MLH3: variants seen among roughly 807,000 people sequenced by gnomAD.
MLH3 encodes mutL homolog 3.
In MLH3, 82 loss-of-function variants were observed where a neutral mutation model predicts 122.2. The ratio of observed to expected loss-of-function variants is 0.67; its 90% confidence interval spans 0.56 to 0.81. The LOEUF is 0.81. MLH3 is among the 30% of genes least tolerant of loss of function. The pLI is 0.00. For synonymous variants in MLH3, 524 were observed against 599.5 expected (o/e 0.87, Z 1.84); for missense variants, 1,539 against 1,714.5 (o/e 0.90, Z 1.81).
rs754665749 is a variant in MLH3, at chr14:75,047,908, TTC to T, written c.1746_1747del (p.Lys585ArgfsTer3). The T allele has an allele frequency of 4.3e-6, 7 of 1,613,448 alleles. No homozygotes were observed. Among genetic ancestry groups the T allele is most frequent in the East Asian group, 2.2e-5 (1 of 44,880 alleles). On this transcript the variant is annotated frameshift_variant, in exon 2 of 13. Transcript: ENST00000355774. LOFTEE classifies it high-confidence loss of function. ...TCCACAATTGCTAGATTCTTTTTTTTTCTCTTTCTCTGTCTGAGCACTATGTA... is the reference window on the plus strand; with the variant it reads ...TCCACAATTGCTAGATTCTTTTTTTTTCTTTCTCTGTCTGAGCACTATGTA...
chr14:75,019,711 GCTT>G (rs1302170136), intron 11 of MLH3, among the ~76,000 whole-genome samples: 2 of 151,958 alleles, frequency 1.3e-5, no homozygotes, highest in African/African-American at 4.8e-5. Flanking sequence ...CATTTTATTT[GCTT>G]CTTTTTTTCT....
At chr14:75,035,595 TC>T (rs746913044) in intron 6 of MLH3, among the ~76,000 whole-genome samples, 3 of 152,210 alleles carry the variant, frequency 2.0e-5, no homozygotes, top group Non-Finnish European at 4.4e-5. Context: ...CTTCACAAAT[TC>T]TATATTCATG....
intron 6 of MLH3, among the ~76,000 whole-genome samples, chr14:75,034,101 G>T (rs1891227868): frequency 6.6e-6 from 1 of 151,992 alleles, no homozygotes; most frequent in Non-Finnish European, 1.5e-5. Flanking sequence ...GCTGAGGCAG[G>T]AGAATCGCTT....
chr14:75,021,561 A>G (rs1207038526), intron 11 of MLH3, among the ~76,000 whole-genome samples: 1 of 152,270 alleles, frequency 6.6e-6, no homozygotes, highest in African/African-American at 2.4e-5. Context: ...CACATGGCCA[A>G]CAAGCATATA....
In MLH3 at chr14:75,039,759, AACACACAC is replaced by A. The variant is rs34635307; in HGVS notation, c.3570+144_3570+151del. 94 of 202,984 alleles carry A rather than the reference AACACACAC, an allele frequency of 4.6e-4. 1 individual carries two copies. The highest frequency in any genetic ancestry group is 1.6e-3 in the Middle Eastern group (1 of 614). 12.6% of individuals were successfully genotyped at this position (202,984 alleles called of 1,614,324 possible). ...TTCTGATGATAAAAGTTCTAGTAAG[AACACACAC>A]ACACACACACACACACACACGTGCC... On this transcript the variant is annotated intron_variant, in intron 5 of 12. Coordinates refer to ENST00000355774, the MANE Select transcript of MLH3 (RefSeq NM_001040108.2).
Position 75,040,150 on chromosome 14 carries a change from T to C in MLH3, c.3466-135A>G. The C allele has an allele frequency of 8.8e-6, 5 of 566,282 alleles. 1 individual carries two copies. Among genetic ancestry groups the C allele is most frequent in the South Asian group, 7.9e-5 (5 of 63,210 alleles). 35.1% of individuals were successfully genotyped at this position (566,282 alleles called of 1,614,324 possible). A position where few individuals can be genotyped will look rare whatever the true frequency, so the allele number is the denominator to read the frequency against. ...AGGTGGGTTTAATTCAGGGAATTTA[T>C]AGAAATTCAAAAGAATCGGCCGGGC... On this transcript the variant is annotated intron_variant, in intron 4 of 12. Transcript: ENST00000355774.
At chr14:75,018,755 T>C in intron 12 of MLH3, 74 bp downstream of exon 12, 1 of 1,530,900 alleles carries the variant, frequency 6.5e-7, no homozygotes, top group East Asian at 2.2e-5. Flanking sequence ...CAGATTACAG[T>C]TGCATAGTAA....
chr14:75,028,590 T>A (rs938493286), intron 9 of MLH3, among the ~76,000 whole-genome samples: 4 of 151,454 alleles, frequency 2.6e-5, no homozygotes, highest in South Asian at 2.1e-4. Flanking sequence ...GCTAATTTTT[T>A]AATTTTTAGT....
chr14:75,042,941 AATT>A (rs1156951396), intron 2 of MLH3, among the ~76,000 whole-genome samples: 5 of 151,844 alleles, frequency 3.3e-5, no homozygotes, highest in Non-Finnish European at 7.4e-5. Flanking sequence ...ACACCCGGCT[AATT>A]TTTTTGTATT....
rs28757012 is a variant in MLH3, at chr14:75,039,643, A to G, written c.3570+268T>C. 2.0e-5 allele frequency among the ~76,000 whole-genome samples: 3 copies of G among 151,944 alleles called. No homozygotes were observed. In the East Asian group the frequency reaches 5.8e-4, roughly 29 times the overall value. ...AACCTTGAGAATCCTTGAAACTGTCAGCCTGAATCCATAATTCATTCCCTC... is the reference window on the plus strand; with the variant it reads ...AACCTTGAGAATCCTTGAAACTGTCGGCCTGAATCCATAATTCATTCCCTC... On this transcript the variant is annotated intron_variant, in intron 5 of 12. Transcript: ENST00000355774.
chr14:75,016,972 G>C lies in MLH3; in HGVS notation c.*110C>G. On this transcript the variant is annotated 3_prime_UTR_variant, in exon 13 of 13. Coordinates refer to ENST00000355774, the MANE Select transcript of MLH3 (RefSeq NM_001040108.2). ...AGCCCTGCTGTCTAAGCTGCTCAGG[G>C]ACACTGGGCTGATTCAGTCAGGGCC... 17 of 1,313,426 alleles carry C rather than the reference G, an allele frequency of 1.3e-5. No homozygotes were observed. The highest frequency in any genetic ancestry group is 1.9e-5 in the Non-Finnish European group (17 of 913,000). 81.4% of individuals were successfully genotyped at this position (1,313,426 alleles called of 1,614,324 possible).
At chr14:75,030,938 T>C (rs749968921) in intron 8 of MLH3, among the ~76,000 whole-genome samples, 4 of 152,246 alleles carry the variant, frequency 2.6e-5, no homozygotes, top group Non-Finnish European at 5.9e-5. Flanking sequence ...AATCTGTGTC[T>C]AAGTCTTGTT....
chr14:75,021,967 G>T (rs1890306414), intron 11 of MLH3, among the ~76,000 whole-genome samples: 1 of 151,968 alleles, frequency 6.6e-6, no homozygotes, highest in South Asian at 2.1e-4. Flanking sequence ...AAGAAAATGT[G>T]GTACATATAC....
rs1595046395 is a variant in MLH3 at position 75,028,824 on chromosome 14, A to T, written c.3987+1719T>A. ...ATTTTGTGTGTTGTATATATTACAC[A>T]CTGTATTCTTACAATTAAGTAAGCT... On this transcript the variant is annotated intron_variant, in intron 9 of 12. Coordinates refer to ENST00000355774, the MANE Select transcript of MLH3 (RefSeq NM_001040108.2). Among the ~76,000 whole-genome samples the T allele has an allele frequency of 3.9e-5, 6 of 152,046 alleles. No individual in the cohort carries two copies. In the South Asian group the frequency reaches 1.2e-3, roughly 32 times the overall value.
In MLH3 at chr14:75,049,093, G is replaced by C. The variant is rs1318542248; in HGVS notation, c.563C>G (p.Ser188Cys). ...GGAACCAGAAACATCATTTCTCAAA[G>C]AGAAAGAAATGGAAGGGTGCATGAG... ...LSLMHPSISFSLRNDVSGSMV... is the reference protein window; with the variant it reads ...LSLMHPSISFCLRNDVSGSMV... Residue 188 changes from serine (S) to cysteine (C), a missense_variant, in exon 2 of 13, where the codon TCT becomes TGT. Physicochemically the swap from Ser to Cys is moderately radical, Grantham distance 112. Coordinates refer to ENST00000355774, the MANE Select transcript of MLH3 (RefSeq NM_001040108.2). The C allele has an allele frequency of 6.2e-7, 1 of 1,614,106 alleles. No homozygotes were observed. Among genetic ancestry groups the C allele is most frequent in the Admixed American group, 1.7e-5 (1 of 60,006 alleles).
chr14:75,045,538 C>T (rs1418609493), intron 2 of MLH3, among the ~76,000 whole-genome samples: 1 of 152,076 alleles, frequency 6.6e-6, no homozygotes, highest in Non-Finnish European at 1.5e-5. Flanking sequence ...CTGTACTAAG[C>T]CATAGAGTTT....
At chr14:75,038,486 G>A (rs979759773) in intron 5 of MLH3, 74 bp from the exon 6 acceptor site, 7 of 979,800 alleles carry the variant, frequency 7.1e-6, no homozygotes, top group Non-Finnish European at 9.9e-6. Context: ...GAAAGATACA[G>A]AACTGTATTT....
At position 75,049,652 on chromosome 14, in the gene MLH3, T is replaced by C; in HGVS notation, c.4A>G (p.Ile2Val). Residue 2 changes from isoleucine to valine, a missense_variant, in exon 2 of 13, where the codon ATC (isoleucine) becomes GTC (valine). Transcript: ENST00000355774. MIKCLSVEVQAK... is the reference protein window; with the variant it reads MVKCLSVEVQAK... ...TGTACTTCAACTGACAAGCACTTGA[T>C]CATGGTAGGTAGAAAGATGGTGAGA... 1 of 1,613,832 alleles carries C rather than the reference T, an allele frequency of 6.2e-7. No individual in the cohort carries two copies. The highest frequency in any genetic ancestry group is 8.5e-7 in the Non-Finnish European group (1 of 1,179,848).
intron 9 of MLH3, among the ~76,000 whole-genome samples, chr14:75,029,621 C>T (rs543232323): frequency 2.6e-5 from 4 of 152,078 alleles, no homozygotes; most frequent in South Asian, 4.2e-4. Context: ...ATGCAACCTC[C>T]GCCTCCCAGG....
Sources: gnomAD v4.1 joint callset for allele counts (sites outside exome capture counted in the v4.1 genomes callset) on GRCh38, gnomAD v4.1.1 for gene constraint, MANE v1.5 for transcripts, NCBI Gene and HGNC (gene_info 2026-07-23, HGNC 2026-07-21) for gene names.